WIPI2: variants seen among roughly 807,000 people sequenced by gnomAD.
The protein encoded by WIPI2 is WD repeat domain, phosphoinositide interacting 2, also known as WD repeat domain phosphoinositide-interacting protein 2.
Under a neutral mutation model 52.3 loss-of-function variants are expected in WIPI2, and 28 were observed. The ratio of observed to expected loss-of-function variants is 0.54; its 90% confidence interval spans 0.40 to 0.73. WIPI2 has a LOEUF of 0.73. Ranked by LOEUF, WIPI2 falls within the 30% of genes least tolerant of loss-of-function variation. The probability of loss-of-function intolerance (pLI) is 0.00; values close to 1 mark genes in which losing one functional copy is unlikely to be tolerated. For missense variants in WIPI2, 506 were observed against 602.9 expected, an observed-to-expected ratio of 0.84 and a Z score of 1.68; for synonymous variants, 268 against 245.0, an observed-to-expected ratio of 1.09 and a Z score of -0.88.
At chr7:5,209,335 G>A (rs1782445890) in intron 3 of WIPI2, among the ~76,000 whole-genome samples, 1 of 152,118 alleles carries the variant, frequency 6.6e-6, no homozygotes, top group Non-Finnish European at 1.5e-5. Context: ...CACAAAGTAA[G>A]GAGAGTGGGT....
chr7:5,202,346 A>G (rs2115228648), intron 3 of WIPI2, among the ~76,000 whole-genome samples: 1 of 152,332 alleles, frequency 6.6e-6, no homozygotes, highest in South Asian at 2.1e-4. Flanking sequence ...AGTTGCAGGA[A>G]CTGCCAGATA....
At chr7:5,214,896 C>G (rs565802604) in intron 4 of WIPI2, among the ~76,000 whole-genome samples, 192 bp downstream of exon 4, 1 of 152,230 alleles carries the variant, frequency 6.6e-6, no homozygotes, top group Non-Finnish European at 1.5e-5. Context: ...ATTCCATTCA[C>G]GACAAATGCC....
At position 5,190,751 on chromosome 7, in the gene WIPI2, G is replaced by C. The variant is rs537359480; in HGVS notation, c.74+258G>C. On this transcript the variant is annotated intron_variant, in intron 1 of 12. Coordinates refer to ENST00000288828, the MANE Select transcript of WIPI2 (RefSeq NM_015610.4). ...AGGGGGCTGCTTTCACCCTCTTGCG[G>C]GGAGGCCCCCTGGCTTCAGACTTAA... 3 of 351,440 alleles carry C rather than the reference G, an allele frequency of 8.5e-6. No individual in the cohort carries two copies. The South Asian group carries it at 3.5e-4, about 41-fold the overall frequency. The allele number at this position is 351,440 out of a possible 1,614,324, so 21.8% of individuals were successfully genotyped here. A position where few individuals can be genotyped will look rare whatever the true frequency, so the allele number is the denominator to read the frequency against.
At chr7:5,229,458 C>G in intron 11 of WIPI2, 150 bp from the exon 12 acceptor site, 1 of 843,608 alleles carries the variant, frequency 1.2e-6, no homozygotes. Context: ...TGCAGATAGA[C>G]GAGATTAAAG....
chr7:5,203,872 C>T (rs939537699), intron 3 of WIPI2, among the ~76,000 whole-genome samples: 15 of 152,216 alleles, frequency 9.9e-5, no homozygotes, highest in Admixed American at 4.6e-4. Context: ...ATCCACCCGC[C>T]TCAGCCTCCC....
chr7:5,192,920 T>G (rs548303473), intron 1 of WIPI2, among the ~76,000 whole-genome samples, 198 bp from the exon 2 acceptor site: 1 of 152,216 alleles, frequency 6.6e-6, no homozygotes, highest in Non-Finnish European at 1.5e-5. Flanking sequence ...ATATATGTTA[T>G]AGGGTCATTT....
rs1783623103 is a variant in WIPI2 at position 5,229,589 on chromosome 7, G to A, written c.1122-19G>A. 3 of 1,610,194 alleles carry A rather than the reference G, an allele frequency of 1.9e-6. No homozygotes were observed. The highest frequency in any genetic ancestry group is 2.5e-6 in the Non-Finnish European group (3 of 1,178,494). On this transcript the variant is annotated intron_variant, in intron 11 of 12. Transcript: ENST00000288828. Reference sequence around the variant, plus strand: ...GCCCTGTGTGGAGACGCTGAGCTGTGTCGCTTTCTTCCCTCCAGGCTGGAC... The same window carrying A: ...GCCCTGTGTGGAGACGCTGAGCTGTATCGCTTTCTTCCCTCCAGGCTGGAC...
In WIPI2 at chr7:5,199,653, A is replaced by C. The variant is rs776499234; in HGVS notation, c.206A>C (p.Glu69Ala). The C allele has an allele frequency of 2.2e-5, 36 of 1,603,474 alleles. No individual in the cohort carries two copies. In the Middle Eastern group the frequency reaches 5.1e-4, roughly 23 times the overall value. The change falls in exon 3 of 13, where the codon GAA becomes GCA. Residue 69 changes from glutamate (E) to alanine (A), a missense_variant. By Grantham distance (107) the Glu-to-Ala change is moderately radical (BLOSUM62 -1). This residue lies in a region of WIPI2 where 237 missense variants were observed against 346.9 expected (regional missense o/e 0.68). Transcript: ENST00000288828. ...GTGGATAAGCTGGAACAGATCTATG[A>C]ATGCAGTAAGTGTTTGCTTTATTTT... ...SSVDKLEQIY[E>A]CTDTEDVCIV...
chr7:5,207,938 G>A (rs1029245069), intron 3 of WIPI2, among the ~76,000 whole-genome samples: 1 of 151,978 alleles, frequency 6.6e-6, no homozygotes, highest in Non-Finnish European at 1.5e-5. Context: ...GCTAATTTTT[G>A]TATTTTTGGT....
At chr7:5,204,983 CT>C (rs956862992) in intron 3 of WIPI2, among the ~76,000 whole-genome samples, 5 of 149,554 alleles carry the variant, frequency 3.3e-5, no homozygotes, top group Non-Finnish European at 7.5e-5. Context: ...GCCTATTAGT[CT>C]TTTTTTTTTG....
chr7:5,219,279 A>T (rs1782972841), intron 7 of WIPI2, among the ~76,000 whole-genome samples: 1 of 152,170 alleles, frequency 6.6e-6, no homozygotes, highest in South Asian at 2.1e-4. Context: ...TCTGACTTTG[A>T]TTCTAATTAT....
chr7:5,224,368 A>G (rs765734175), intron 8 of WIPI2, among the ~76,000 whole-genome samples: 4 of 151,942 alleles, frequency 2.6e-5, no homozygotes, highest in Non-Finnish European at 4.4e-5. Flanking sequence ...TATTTTTCTC[A>G]CATTCCTTTG....
rs371237415 is a variant in WIPI2 at position 5,190,595 on chromosome 7, C to T, written c.74+102C>T. On this transcript the variant is annotated intron_variant, in intron 1 of 12. Coordinates refer to ENST00000288828, the MANE Select transcript of WIPI2 (RefSeq NM_015610.4). ...AGCTCGGCGGCGTCGCAGGCTCGGC[C>T]TCCCCGCGGGCCAAGGCGCGCAGAG... 47 of 1,205,480 alleles carry T rather than the reference C, an allele frequency of 3.9e-5. No homozygotes were observed. The East Asian group carries it at 9.6e-4, about 25-fold the overall frequency. 74.7% of individuals were successfully genotyped at this position (1,205,480 alleles called of 1,614,324 possible).
intron 7 of WIPI2, 44 bp downstream of exon 7, chr7:5,218,058 C>T (rs1298993613): frequency 6.3e-7 from 1 of 1,599,206 alleles, no homozygotes; most frequent in South Asian, 1.1e-5. Flanking sequence ...CCAAGGCGTC[C>T]ACAGACTTTT....
rs1336735840 is a variant in WIPI2 at position 5,190,587 on chromosome 7, G to A, written c.74+94G>A. 1.8e-5 allele frequency: 22 copies of A among 1,238,800 alleles called. No individual in the cohort carries two copies. In the South Asian group the frequency reaches 3.3e-4, roughly 19 times the overall value. 76.7% of individuals were successfully genotyped at this position (1,238,800 alleles called of 1,614,324 possible). On this transcript the variant is annotated intron_variant, in intron 1 of 12. Transcript: ENST00000288828. Reference sequence around the variant, plus strand: ...CGCTGCCAAGCTCGGCGGCGTCGCAGGCTCGGCCTCCCCGCGGGCCAAGGC... The same window carrying A: ...CGCTGCCAAGCTCGGCGGCGTCGCAAGCTCGGCCTCCCCGCGGGCCAAGGC...
chr7:5,210,224 A>G (rs1247710678), intron 3 of WIPI2, among the ~76,000 whole-genome samples: 2 of 152,198 alleles, frequency 1.3e-5, no homozygotes, highest in African/African-American at 2.4e-5. Context: ...CATAACTCCT[A>G]TAGATAGTTG....
chr7:5,207,269 G>C (rs1215712712), intron 3 of WIPI2, among the ~76,000 whole-genome samples: 1 of 152,148 alleles, frequency 6.6e-6, no homozygotes, highest in Non-Finnish European at 1.5e-5. Context: ...CCCTATCAAG[G>C]TTTACCATCA....
rs1185020728 is a variant in WIPI2, at chr7:5,212,874, A to G, written c.212-1661A>G. 3.3e-5 allele frequency among the ~76,000 whole-genome samples: 5 copies of G among 152,228 alleles called. No individual in the cohort carries two copies. The East Asian group carries it at 9.6e-4, about 29-fold the overall frequency. ...GCAGGGCTGCCGTGACTTAGTATCC[A>G]TGTCAATCTCCTGAGGGAAAGAGGG... On this transcript the variant is annotated intron_variant, in intron 3 of 12. Coordinates refer to ENST00000288828, the MANE Select transcript of WIPI2 (RefSeq NM_015610.4).
chr7:5,217,003 G>A (rs1782846821), intron 5 of WIPI2, 87 bp from the exon 6 acceptor site: 2 of 1,357,494 alleles, frequency 1.5e-6, no homozygotes, highest in African/African-American at 1.4e-5. Flanking sequence ...CTAATGCTCT[G>A]TTAAATGAAT....
Sources: gnomAD v4.1 joint callset for allele counts (sites outside exome capture counted in the v4.1 genomes callset) on GRCh38, gnomAD v4.1.1 for gene constraint, gnomAD v4.1.1 regional missense constraint, MANE v1.5 for transcripts, NCBI Gene and HGNC (gene_info 2026-07-23, HGNC 2026-07-21) for gene names.